SLCO1B3: variants seen among roughly 807,000 people sequenced by gnomAD.
SLCO1B3 encodes solute carrier organic anion transporter family member 1B3, also known as liver-specific organic anion transporter 2.
Under a neutral mutation model 71.8 loss-of-function variants are expected in SLCO1B3, and 72 were observed. The ratio of observed to expected loss-of-function variants is 1.00; its 90% CI spans 0.83 to 1.22. The LOEUF (loss-of-function observed/expected upper bound fraction) is 1.22, where lower values mean the gene tolerates loss of function less well. Among genes scored for constraint, SLCO1B3 ranks in the 50% most tolerant of loss-of-function variants. The probability of loss-of-function intolerance (pLI) is 0.00; values close to 1 mark genes in which losing one functional copy is unlikely to be tolerated. For missense variants in SLCO1B3, 911 were observed against 819.7 expected, an observed-to-expected ratio of 1.11 and a Z score of -1.36; for synonymous variants, 298 against 278.4, an observed-to-expected ratio of 1.07 and a Z score of -0.70.
rs73233642 is a variant in SLCO1B3 at position 20,911,085 on chromosome 12, G to C, written c.1866-4919G>C. On this transcript the variant is annotated intron_variant, in intron 15 of 15. Transcript: ENST00000381545. ...CAAGTAAAAAATGTGTAGAATTTTT[G>C]GTGTATATGTTTTTAATCAGGTTGA... Among the ~76,000 whole-genome samples, 1,505 of 151,680 alleles carry C rather than the reference G, an allele frequency of 9.9e-3. 24 individuals carry two copies. Among genetic ancestry groups the C allele is most frequent in the African/African-American group, 0.034 (1,414 of 41,352 alleles).
At chr12:20,827,336 C>T (rs1864443269) in intron 3 of SLCO1B3, among the ~76,000 whole-genome samples, 1 of 152,266 alleles carries the variant, frequency 6.6e-6, no homozygotes, top group South Asian at 2.1e-4. Flanking sequence ...TTTCTTAAGT[C>T]ACATGAACTT....
chr12:20,916,518 A>G lies in SLCO1B3; in HGVS notation c.*271A>G, dbSNP rs1866503823. 1 of 249,842 alleles carries G rather than the reference A, an allele frequency of 4.0e-6. No homozygotes were observed. The highest frequency in any genetic ancestry group is 2.2e-5 in the African/African-American group (1 of 45,350). The allele number at this position is 249,842 out of a possible 1,614,324, so 15.5% of individuals were successfully genotyped here. A position where few individuals can be genotyped will look rare whatever the true frequency, so the allele number is the denominator to read the frequency against. ...GGTAGTTGTAACTGCTAATAAAACCAGTGACTAGAATATAAGGGAGGTAAA... is the reference window on the plus strand; with the variant it reads ...GGTAGTTGTAACTGCTAATAAAACCGGTGACTAGAATATAAGGGAGGTAAA... On this transcript the variant is annotated 3_prime_UTR_variant, in exon 16 of 16. Coordinates refer to ENST00000381545, the MANE Select transcript of SLCO1B3 (RefSeq NM_019844.4).
At chr12:20,880,759 C>A in intron 11 of SLCO1B3, 96 bp from the exon 12 acceptor site, 1 of 698,334 alleles carries the variant, frequency 1.4e-6, no homozygotes, top group Non-Finnish European at 2.2e-6. Flanking sequence ...TCCTCCTCCT[C>A]TATTTCCCCT....
intron 3 of SLCO1B3, among the ~76,000 whole-genome samples, chr12:20,828,235 T>G (rs1220663791): frequency 2.1e-5 from 3 of 144,948 alleles, no homozygotes; most frequent in African/African-American, 7.9e-5. Context: ...TTTCTCTAAG[T>G]GTCTAAACCA....
At chr12:20,830,854 T>A (rs781511170) in intron 3 of SLCO1B3, among the ~76,000 whole-genome samples, 21 of 152,342 alleles carry the variant, frequency 1.4e-4, no homozygotes, top group Middle Eastern at 3.4e-3. Context: ...AAGTGAATTA[T>A]CTTCTATTGT....
chr12:20,869,930 G>A (rs1865447707), intron 8 of SLCO1B3, among the ~76,000 whole-genome samples: 1 of 152,016 alleles, frequency 6.6e-6, no homozygotes, highest in African/African-American at 2.4e-5. Context: ...TATACCAGGT[G>A]CACGATTTTG....
At chr12:20,851,580 A>C (rs1184146341) in intron 3 of SLCO1B3, among the ~76,000 whole-genome samples, 1 of 152,094 alleles carries the variant, frequency 6.6e-6, no homozygotes, top group African/African-American at 2.4e-5. Context: ...CTCCTTATTA[A>C]ATATGGGATT....
chr12:20,854,600 G>A (rs1358403764), intron 3 of SLCO1B3, among the ~76,000 whole-genome samples: 1 of 152,016 alleles, frequency 6.6e-6, no homozygotes, highest in Non-Finnish European at 1.5e-5. Context: ...ATTCCTCTTT[G>A]CCTCCACAAA....
chr12:20,834,099 A>C lies in SLCO1B3; in HGVS notation c.84+18277A>C, dbSNP rs1022311664. On this transcript the variant is annotated intron_variant, in intron 3 of 15. Coordinates refer to ENST00000381545, the MANE Select transcript of SLCO1B3 (RefSeq NM_019844.4). The stretch of plus-strand genomic sequence containing the variant: ...ATATATAAATATATACACATATATA[A>C]TATATAAATGCATACATAGATATAA... Among the ~76,000 whole-genome samples the C allele has an allele frequency of 2.1e-5, 3 of 146,002 alleles. No homozygotes were observed. The East Asian group carries it at 6.1e-4, about 30-fold the overall frequency.
chr12:20,908,236 T>C (rs1258261595), intron 15 of SLCO1B3, among the ~76,000 whole-genome samples: 1 of 152,198 alleles, frequency 6.6e-6, no homozygotes, highest in East Asian at 1.9e-4. Flanking sequence ...TTAGAATAGT[T>C]TCAGAATCAC....
chr12:20,858,370 G>A, intron 4 of SLCO1B3, 69 bp from the exon 5 acceptor site: 1 of 1,115,192 alleles, frequency 9.0e-7, no homozygotes, highest in Non-Finnish European at 1.3e-6. Flanking sequence ...GCATTCATTT[G>A]GGGCATTCAG....
chr12:20,858,450 G>T lies in SLCO1B3; in HGVS notation c.238G>T (p.Val80Leu), dbSNP rs772983554. 7.6e-6 allele frequency: 12 copies of T among 1,587,212 alleles called. 1 individual carries two copies. The South Asian group carries it at 1.3e-4, about 18-fold the overall frequency. Reference protein sequence around the residue: ...DGSFEIGNLLVIVFVSYFGSK... With the variant: ...DGSFEIGNLLLIVFVSYFGSK... ...TGTTTTTTTTCTAGGAAATTTGCTT[G>T]TGATTGTATTTGTAAGTTACTTTGG... Residue 80 changes from valine (V) to leucine (L), a missense_variant, in exon 5 of 16, where the codon GTG becomes TTG. Val to Leu is a conservative substitution (Grantham distance 32). Transcript: ENST00000381545.
intron 13 of SLCO1B3, among the ~76,000 whole-genome samples, chr12:20,886,442 A>T (rs1300289073): frequency 6.6e-6 from 1 of 152,070 alleles, no homozygotes; most frequent in Non-Finnish European, 1.5e-5. Flanking sequence ...CTCTAACTTT[A>T]GCGATTAATA....
chr12:20,881,487 G>A (rs914016933), intron 12 of SLCO1B3, among the ~76,000 whole-genome samples: 2 of 152,088 alleles, frequency 1.3e-5, no homozygotes, highest in African/African-American at 2.4e-5. Flanking sequence ...TGTAGCTAGG[G>A]ACTCACTGTG....
intron 15 of SLCO1B3, among the ~76,000 whole-genome samples, chr12:20,904,416 C>T (rs1439343707): frequency 6.6e-6 from 1 of 152,122 alleles, no homozygotes; most frequent in African/African-American, 2.4e-5. Flanking sequence ...TCCTTTGACT[C>T]CATGTCACAC....
chr12:20,916,008 GT>G lies in SLCO1B3; in HGVS notation c.1871del (p.Val624AlafsTer7). The G allele has an allele frequency of 6.3e-7, 1 of 1,598,572 alleles. No individual in the cohort carries two copies. The highest frequency in any genetic ancestry group is 8.6e-7 in the Non-Finnish European group (1 of 1,169,356). ...RIYNSVFFGR[V>X]YLGLSIALRF... is the part of the protein sequence containing the mutation. ...CTCTATTTTCTCTTTTCACAGAAGGGTCTACTTGGGCTTATCTATAGCTTTA... is the reference window on the plus strand; with the variant it reads ...CTCTATTTTCTCTTTTCACAGAAGGGCTACTTGGGCTTATCTATAGCTTTA... On this transcript the variant is annotated frameshift_variant, in exon 16 of 16. Coordinates refer to ENST00000381545, the MANE Select transcript of SLCO1B3 (RefSeq NM_019844.4). LOFTEE classifies it high-confidence loss of function.
chr12:20,867,544 T>C, intron 8 of SLCO1B3, among the ~76,000 whole-genome samples: 1 of 152,046 alleles, frequency 6.6e-6, no homozygotes, highest in East Asian at 1.9e-4. Context: ...TGGAGATAAG[T>C]GCTTCTGAAC....
intron 3 of SLCO1B3, among the ~76,000 whole-genome samples, chr12:20,829,319 G>C (rs1006925708): frequency 6.6e-6 from 1 of 152,216 alleles, no homozygotes; most frequent in Non-Finnish European, 1.5e-5. Flanking sequence ...GGCCCAGGCT[G>C]AACACTGCTC....
chr12:20,900,371 C>G (rs1866102823), intron 14 of SLCO1B3, among the ~76,000 whole-genome samples: 1 of 152,074 alleles, frequency 6.6e-6, no homozygotes, highest in Admixed American at 6.6e-5. Context: ...CAAAACAGAA[C>G]AAGAACAAAG....
Sources: gnomAD v4.1 joint callset for allele counts (sites outside exome capture counted in the v4.1 genomes callset) on GRCh38, gnomAD v4.1.1 for gene constraint, MANE v1.5 for transcripts, NCBI Gene and HGNC (gene_info 2026-07-23, HGNC 2026-07-21) for gene names.